Variants in GRID2 observed in about 807,000 individuals in gnomAD.
The protein encoded by GRID2 is glutamate receptor ionotropic, delta-2.
A neutral mutation model predicts 114.8 loss-of-function variants in GRID2; 33 were observed. That is an observed-to-expected ratio of 0.29 (90% CI 0.22 to 0.38). The LOEUF (loss-of-function observed/expected upper bound fraction) is 0.38. Ranked by LOEUF, GRID2 falls within the 10% of genes least tolerant of loss-of-function variation. GRID2 has a pLI of 1.00. For synonymous variants in GRID2, 505 were observed against 449.9 expected (o/e 1.12, Z -1.55); for missense variants, 1,184 against 1,257.7 (o/e 0.94, Z 0.89).
At chr4:92,783,651 G>C (rs1739187267) in intron 2 of GRID2, among the ~76,000 whole-genome samples, 1 of 152,060 alleles carries the variant, frequency 6.6e-6, no homozygotes, top group South Asian at 2.1e-4. Context: ...TGGAGGCCCA[G>C]GCAGGAGGAT....
At chr4:92,640,769 A>T (rs893081315) in intron 2 of GRID2, among the ~76,000 whole-genome samples, 5 of 151,878 alleles carry the variant, frequency 3.3e-5, no homozygotes, top group Non-Finnish European at 7.4e-5. Context: ...GGATTAGACT[A>T]TATTGCCTCT....
intron 1 of GRID2, among the ~76,000 whole-genome samples, chr4:92,489,920 T>G (rs1451337885): frequency 6.6e-6 from 1 of 152,112 alleles, no homozygotes; most frequent in Non-Finnish European, 1.5e-5. Context: ...TCATGAAAGT[T>G]TAAAATTAAG....
chr4:92,987,835 A>G (rs1455314210), intron 2 of GRID2, among the ~76,000 whole-genome samples: 6 of 152,158 alleles, frequency 3.9e-5, no homozygotes, highest in Non-Finnish European at 7.3e-5. Context: ...TACAAATACT[A>G]TATGGTACCG....
intron 12 of GRID2, among the ~76,000 whole-genome samples, chr4:93,493,911 A>G (rs1397286580): frequency 6.6e-6 from 1 of 151,802 alleles, no homozygotes; most frequent in Non-Finnish European, 1.5e-5. Flanking sequence ...ATAAATCTCT[A>G]CTTCCTTGTA....
At chr4:92,428,804 C>T (rs1732290480) in intron 1 of GRID2, among the ~76,000 whole-genome samples, 1 of 151,996 alleles carries the variant, frequency 6.6e-6, no homozygotes, top group African/African-American at 2.4e-5. Context: ...TTTATGCATG[C>T]ACAGTAGGTG....
At chr4:93,575,508 C>T (rs186343758) in intron 13 of GRID2, among the ~76,000 whole-genome samples, 119 of 152,236 alleles carry the variant, frequency 7.8e-4, no homozygotes, top group African/African-American at 2.5e-3. Flanking sequence ...CCCATATCTG[C>T]CACTTAACAG....
chr4:93,035,614 A>C (rs1328925708), intron 2 of GRID2, among the ~76,000 whole-genome samples: 1 of 152,102 alleles, frequency 6.6e-6, no homozygotes, highest in South Asian at 2.1e-4. Context: ...CTAGGCTACT[A>C]TCCTCTCAAG....
intron 2 of GRID2, among the ~76,000 whole-genome samples, chr4:92,619,536 C>A (rs1008755856): frequency 6.6e-6 from 1 of 151,490 alleles, no homozygotes; most frequent in Non-Finnish European, 1.5e-5. Context: ...TTTTTAAATA[C>A]CAAAACTGTT....
chr4:92,399,884 A>G (rs2110278628), intron 1 of GRID2, among the ~76,000 whole-genome samples: 2 of 152,250 alleles, frequency 1.3e-5, no homozygotes, highest in East Asian at 3.9e-4. Context: ...TACGTATTGC[A>G]TGTGTGTATA....
chr4:92,370,981 G>A (rs761094265), intron 1 of GRID2, among the ~76,000 whole-genome samples: 1 of 152,124 alleles, frequency 6.6e-6, no homozygotes, highest in Admixed American at 6.6e-5. Flanking sequence ...CTGCTGATAT[G>A]AGGAAAGTTT....
At chr4:92,447,265 A>T (rs1337381728) in intron 1 of GRID2, among the ~76,000 whole-genome samples, 2 of 152,334 alleles carry the variant, frequency 1.3e-5, no homozygotes, top group Non-Finnish European at 2.9e-5. Context: ...AGTGAAAAAA[A>T]CTAGTCCAAT....
intron 13 of GRID2, among the ~76,000 whole-genome samples, chr4:93,541,806 G>C (rs17334984): frequency 0.18 from 27,325 of 152,008 alleles, 3,208 homozygotes; most frequent in Non-Finnish European, 0.26. Context: ...TGCGTTTCAT[G>C]ATATCACTAA....
At chr4:92,496,102 A>C (rs1342328366) in intron 1 of GRID2, among the ~76,000 whole-genome samples, 1 of 151,978 alleles carries the variant, frequency 6.6e-6, no homozygotes, top group African/African-American at 2.4e-5. Context: ...CTTACCATGT[A>C]AGCACCATGT....
chr4:93,315,791 T>C (rs1756518592), intron 8 of GRID2, among the ~76,000 whole-genome samples: 1 of 152,152 alleles, frequency 6.6e-6, no homozygotes, highest in Non-Finnish European at 1.5e-5. Context: ...TTAAAAAGAA[T>C]TGATTTATTA....
chr4:93,478,857 C>T (rs1294606446), intron 11 of GRID2, among the ~76,000 whole-genome samples: 1 of 152,022 alleles, frequency 6.6e-6, no homozygotes, highest in Non-Finnish European at 1.5e-5. Context: ...AGGAAATTTT[C>T]ATTTCAATTA....
At chr4:93,061,550 A>G (rs1276735415) in intron 2 of GRID2, among the ~76,000 whole-genome samples, 1 of 152,140 alleles carries the variant, frequency 6.6e-6, no homozygotes, top group African/African-American at 2.4e-5. Context: ...GTACAATTCT[A>G]TGAAAGAAGA....
At chr4:93,072,417 A>G (rs1728889212) in intron 2 of GRID2, among the ~76,000 whole-genome samples, 1 of 152,146 alleles carries the variant, frequency 6.6e-6, no homozygotes, top group Non-Finnish European at 1.5e-5. Flanking sequence ...AGCAGACACA[A>G]GGGGAGTTTG....
In GRID2 at chr4:93,542,244, C is replaced by T. The variant is rs771233638; in HGVS notation, c.2193+26833C>T. Among the ~76,000 whole-genome samples, 6 of 152,268 alleles carry T rather than the reference C, an allele frequency of 3.9e-5. No individual in the cohort carries two copies. The East Asian group carries it at 7.7e-4, about 20-fold the overall frequency. On this transcript the variant is annotated intron_variant, in intron 13 of 15. Transcript: ENST00000282020. ...GTGTTTCTACCCACCTAAAATAATG[C>T]GTAGTGGCACTGAATTAATGTTTAT...
intron 2 of GRID2, among the ~76,000 whole-genome samples, chr4:92,955,479 T>C (rs1403222988): frequency 6.6e-6 from 1 of 151,968 alleles, no homozygotes; most frequent in Non-Finnish European, 1.5e-5. Flanking sequence ...TTTTTTCTTG[T>C]AAATTTGTTT....
Sources: allele counts gnomAD v4.1 joint callset (sites outside exome capture counted in the v4.1 genomes callset), GRCh38; gene constraint gnomAD v4.1.1; transcripts MANE v1.5; gene names NCBI Gene and HGNC (gene_info 2026-07-23, HGNC 2026-07-21).